STARD10: variants seen among roughly 807,000 people sequenced by gnomAD.
The protein encoded by STARD10 is START domain-containing protein 10.
A neutral mutation model predicts 36.0 loss-of-function variants in STARD10; 24 were observed. That is an observed-to-expected ratio of 0.67 (90% CI 0.48 to 0.94). The LOEUF is 0.94. Among genes scored for constraint, STARD10 ranks in the 40% least tolerant of loss-of-function variants. STARD10 has a pLI of 0.00. For missense variants in STARD10, 335 were observed against 396.6 expected (o/e 0.84, Z 1.32); for synonymous variants, 156 against 161.9 (o/e 0.96, Z 0.28).
At chr11:72,775,327 G>A (rs999199671) in intron 2 of STARD10, among the ~76,000 whole-genome samples, 8 of 152,054 alleles carry the variant, frequency 5.3e-5, no homozygotes, top group Non-Finnish European at 7.4e-5. Flanking sequence ...CAGCAGCAGC[G>A]CCCTCTTACC....
intron 5 of STARD10, 115 bp from the exon 6 acceptor site, chr11:72,755,868 AG>A (rs1412707842): frequency 1.0e-6 from 1 of 972,646 alleles, no homozygotes; most frequent in East Asian, 2.6e-5. Flanking sequence ...CCCCATGAGG[AG>A]GAGGTGTGTG....
In STARD10 at chr11:72,759,612, T is replaced by C. The variant is rs548528608; in HGVS notation, c.208-231A>G. On this transcript the variant is annotated intron_variant, in intron 2 of 6. Transcript: ENST00000334805. The stretch of plus-strand genomic sequence containing the variant: ...GTATCCAGAGACCATCTCCCCCGAC[T>C]CAGCCCAGTCTCCTCCTCCAGGAAG... Among the ~76,000 whole-genome samples, 214 of 152,256 alleles carry C rather than the reference T, an allele frequency of 1.4e-3. 1 individual carries two copies. Among genetic ancestry groups the C allele is most frequent in the African/African-American group, 4.8e-3 (198 of 41,538 alleles).
chr11:72,791,413 G>A (rs1859141893), intron 1 of STARD10, among the ~76,000 whole-genome samples: 1 of 152,116 alleles, frequency 6.6e-6, no homozygotes, highest in Admixed American at 6.5e-5. Flanking sequence ...CCTTAATAGA[G>A]TCCTTTTCTG....
intron 2 of STARD10, among the ~76,000 whole-genome samples, chr11:72,779,781 G>C (rs1039945988): frequency 2.6e-5 from 4 of 152,202 alleles, no homozygotes; most frequent in Non-Finnish European, 4.4e-5. Flanking sequence ...GGTGCAGACA[G>C]AGTCAGAGGG....
intron 2 of STARD10, among the ~76,000 whole-genome samples, chr11:72,763,827 A>G (rs1031163528): frequency 9.9e-5 from 15 of 152,272 alleles, no homozygotes; most frequent in Admixed American, 3.9e-4. Context: ...CACTGCCCCA[A>G]ATGTTCAACA....
intron 2 of STARD10, among the ~76,000 whole-genome samples, chr11:72,771,400 A>G (rs920509176): frequency 6.6e-6 from 1 of 152,124 alleles, no homozygotes; most frequent in Non-Finnish European, 1.5e-5. Flanking sequence ...TCCTTGCCCC[A>G]TCTTTGGACT....
In STARD10 at chr11:72,755,717, TGAG is replaced by T; in HGVS notation, c.611_613del (p.Ser204_Gln205delinsTer). Reference sequence around the variant, plus strand: ...GCCACTCACCTTGGGAGCCAGGAACTGAGAAGATTTATTCACCACCCACTTGGG... The same window carrying T: ...GCCACTCACCTTGGGAGCCAGGAACTAAGATTTATTCACCACCCACTTGGG... On this transcript the variant is annotated stop_gained and inframe_deletion, in exon 6 of 7. Transcript: ENST00000334805. LOFTEE classifies it high-confidence loss of function. The T allele has an allele frequency of 6.2e-7, 1 of 1,613,684 alleles. No homozygotes were observed. The highest frequency in any genetic ancestry group is 8.5e-7 in the Non-Finnish European group (1 of 1,179,806).
rs1858662444 is a variant in STARD10, at chr11:72,757,718, G to A, written c.577+49C>T. 5.2e-6 allele frequency: 8 copies of A among 1,540,606 alleles called. No homozygotes were observed. The African/African-American group carries it at 1.1e-4, about 21-fold the overall frequency. On this transcript the variant is annotated intron_variant, in intron 5 of 6. Transcript: ENST00000334805. Reference sequence around the variant, plus strand: ...CCCTAGTAGATCAGGCCCCACCCCTGTGGTATAGGGAAGGATCCCATGATA... The same window carrying A: ...CCCTAGTAGATCAGGCCCCACCCCTATGGTATAGGGAAGGATCCCATGATA...
intron 2 of STARD10, among the ~76,000 whole-genome samples, chr11:72,765,227 T>C (rs1341436598): frequency 2.0e-5 from 3 of 152,040 alleles, no homozygotes; most frequent in Non-Finnish European, 2.9e-5. Context: ...GATTGTGCCA[T>C]TGCACTCCAG....
chr11:72,771,602 T>G (rs1858858769), intron 2 of STARD10, among the ~76,000 whole-genome samples: 2 of 152,118 alleles, frequency 1.3e-5, no homozygotes, highest in Non-Finnish European at 2.9e-5. Flanking sequence ...CTAGGCCTTC[T>G]CCGCCGCTCT....
intron 2 of STARD10, among the ~76,000 whole-genome samples, chr11:72,764,940 G>C (rs1479654462): frequency 6.6e-6 from 1 of 152,206 alleles, no homozygotes; most frequent in Non-Finnish European, 1.5e-5. Context: ...CCTGGTGACA[G>C]CAGGGACCCC....
intron 1 of STARD10, among the ~76,000 whole-genome samples, chr11:72,791,961 G>A (rs1196065165): frequency 1.3e-5 from 2 of 151,016 alleles, no homozygotes; most frequent in African/African-American, 4.9e-5. Context: ...GACAACCTCC[G>A]CCTCCTGGGT....
intron 1 of STARD10, among the ~76,000 whole-genome samples, chr11:72,788,002 G>T (rs572985244): frequency 7.5e-5 from 11 of 146,948 alleles, no homozygotes; most frequent in Non-Finnish European, 1.2e-4. Context: ...GGAGAGGTTT[G>T]GGGGGGGCAG....
chr11:72,765,448 G>T (rs1858774967), intron 2 of STARD10, among the ~76,000 whole-genome samples: 1 of 152,014 alleles, frequency 6.6e-6, no homozygotes, highest in Admixed American at 6.5e-5. Flanking sequence ...CAATTCCCAT[G>T]AAGCCACAAT....
intron 2 of STARD10, among the ~76,000 whole-genome samples, chr11:72,762,073 C>G (rs752512199): frequency 2.0e-5 from 3 of 151,374 alleles, no homozygotes; most frequent in Non-Finnish European, 4.4e-5. Context: ...TTATAGGCAC[C>G]CACCATCATG....
chr11:72,756,074 A>C, intron 5 of STARD10: 1 of 213,958 alleles, frequency 4.7e-6, no homozygotes, highest in Non-Finnish European at 9.2e-6. Context: ...GCCTCACTCA[A>C]TCACACTGAC....
chr11:72,755,221 C>T (rs1351205170), intron 6 of STARD10, 79 bp from the exon 7 acceptor site: 1 of 1,483,012 alleles, frequency 6.7e-7, no homozygotes, highest in East Asian at 2.4e-5. Flanking sequence ...GCGGCTCAGC[C>T]CCCAGCATCC....
intron 2 of STARD10, among the ~76,000 whole-genome samples, chr11:72,773,511 G>A (rs958788643): frequency 2.0e-5 from 3 of 152,164 alleles, no homozygotes; most frequent in African/African-American, 4.8e-5. Flanking sequence ...ACAGAGTAAC[G>A]CCAGACACAG....
chr11:72,759,274 G>A lies in STARD10; in HGVS notation c.315C>T (p.Ile105=), dbSNP rs528644611. Residue 105 remains isoleucine (I), a synonymous_variant, in exon 3 of 7, where the codon ATC becomes ATT. Transcript: ENST00000334805. The part of the protein sequence containing the change: ...WDSNVIETFD[I]ARLTVNADVG... ...CGTCAGCGTTGACTGTCAAGCGGGC[G>A]ATGTCAAAAGTCTCAATGACGTTGC... 1.5e-5 allele frequency: 25 copies of A among 1,614,166 alleles called. 1 individual carries two copies. The highest frequency in any genetic ancestry group is 1.1e-4 in the East Asian group (5 of 44,888).
Sources: allele counts gnomAD v4.1 joint callset (sites outside exome capture counted in the v4.1 genomes callset), GRCh38; gene constraint gnomAD v4.1.1; transcripts MANE v1.5; gene names NCBI Gene and HGNC (gene_info 2026-07-23, HGNC 2026-07-21).